IMPG2: variants seen among roughly 807,000 people sequenced by gnomAD.
IMPG2 encodes IPM 200.
Under a neutral mutation model 129.2 loss-of-function variants are expected in IMPG2, and 91 were observed. That is an observed-to-expected ratio of 0.70 (90% CI 0.59 to 0.84). The LOEUF is 0.84. Among genes scored for constraint, IMPG2 ranks in the 40% least tolerant of loss-of-function variants. The probability of loss-of-function intolerance (pLI) is 0.00; values close to 1 mark genes in which losing one functional copy is unlikely to be tolerated. For missense variants in IMPG2, 1,430 were observed against 1,461.7 expected, an observed-to-expected ratio of 0.98 and a Z score of 0.35; for synonymous variants, 510 against 517.7, an observed-to-expected ratio of 0.99 and a Z score of 0.20.
rs2058802769 is a variant in IMPG2 at position 101,319,821 on chromosome 3, A to G, written c.97T>C (p.Leu33=). The change falls in exon 2 of 19, where the codon TTA becomes CTA. Residue 33 remains leucine (L), a synonymous_variant. Coordinates refer to ENST00000193391, the MANE Select transcript of IMPG2 (RefSeq NM_016247.4). ...DFPSLTAQTY[L]SIEEIQEPKS... ...GGTTCTTGGATCTCCTCTATAGATA[A>G]GTAGGTTTGTGCTACAGAGTGAAAG... 6.2e-7 allele frequency: 1 copy of G among 1,612,042 alleles called. No homozygotes were observed. Among genetic ancestry groups the G allele is most frequent in the Non-Finnish European group, 8.5e-7 (1 of 1,179,554 alleles).
chr3:101,257,622 A>C lies in IMPG2; in HGVS notation c.1060T>G (p.Phe354Val). Residue 354 changes from phenylalanine (F) to valine (V), a missense_variant, in exon 10 of 19, where the codon TTC becomes GTC. Transcript: ENST00000193391. ...AATGTCTCAGCAATATAATCTCTGA[A>C]GTTACTGATTGTATAAACAACAGTG... Reference protein sequence around the residue: ...KPTVVYTISNFRDYIAETLQQ... With the variant: ...KPTVVYTISNVRDYIAETLQQ... 6.2e-7 allele frequency: 1 copy of C among 1,613,460 alleles called. No homozygotes were observed. The highest frequency in any genetic ancestry group is 8.5e-7 in the Non-Finnish European group (1 of 1,179,586).
At chr3:101,284,877 T>C (rs904215073) in intron 4 of IMPG2, among the ~76,000 whole-genome samples, 2 of 152,074 alleles carry the variant, frequency 1.3e-5, no homozygotes, top group Non-Finnish European at 2.9e-5. Flanking sequence ...GAAACAAAAC[T>C]GTAAAAAAAA....
At position 101,233,001 on chromosome 3, in the gene IMPG2, TAAAC is replaced by T. The variant is rs781084443; in HGVS notation, c.3023-14_3023-11del. 5 of 1,612,856 alleles carry T rather than the reference TAAAC, an allele frequency of 3.1e-6. No individual in the cohort carries two copies. Among genetic ancestry groups the T allele is most frequent in the Admixed American group, 3.3e-5 (2 of 59,994 alleles). Reference sequence around the variant, plus strand: ...GGGTTGGCTTCATCACCTAAAACATTAAACAAAGAATAATGCAAGAAAAGGCAAA... The same window carrying T: ...GGGTTGGCTTCATCACCTAAAACATTAAAGAATAATGCAAGAAAAGGCAAA... On this transcript the variant is annotated splice_polypyrimidine_tract_variant and intron_variant, in intron 14 of 18. Coordinates refer to ENST00000193391, the MANE Select transcript of IMPG2 (RefSeq NM_016247.4).
intron 4 of IMPG2, among the ~76,000 whole-genome samples, chr3:101,289,536 A>C (rs1239645700): frequency 1.3e-5 from 2 of 152,178 alleles, no homozygotes; most frequent in Non-Finnish European, 1.5e-5. Flanking sequence ...CAGGCAACAA[A>C]TATGGAAATA....
In IMPG2 at chr3:101,260,927, C is replaced by T. The variant is rs372934489; in HGVS notation, c.909-3154G>A. Among the ~76,000 whole-genome samples, 8 of 152,200 alleles carry T rather than the reference C, an allele frequency of 5.3e-5. No homozygotes were observed. In the East Asian group the frequency reaches 7.7e-4, roughly 15 times the overall value. ...AAGAAACAAATGGTCAATTTTGTTC[C>T]CTAATGAAGGCAGATAAGACAATTG... On this transcript the variant is annotated intron_variant, in intron 9 of 18. Transcript: ENST00000193391.
At position 101,226,127 on chromosome 3, in the gene IMPG2, A is replaced by G. The variant is rs1286354239; in HGVS notation, c.*842T>C. 3 of 153,516 alleles carry G rather than the reference A, an allele frequency of 2.0e-5. No individual in the cohort carries two copies. The highest frequency in any genetic ancestry group is 7.3e-5 in the African/African-American group (3 of 40,934). The allele number at this position is 153,516 out of a possible 1,614,324, so 9.5% of individuals were successfully genotyped here. A position where few individuals can be genotyped will look rare whatever the true frequency, so the allele number is the denominator to read the frequency against. On this transcript the variant is annotated 3_prime_UTR_variant, in exon 19 of 19. Coordinates refer to ENST00000193391, the MANE Select transcript of IMPG2 (RefSeq NM_016247.4). ...AACCTCAGTCCAGCAATCAAGAAAC[A>G]AAATATATTCTCAGCACTGGGGTCT...
At chr3:101,305,630 A>G (rs1005374003) in intron 2 of IMPG2, among the ~76,000 whole-genome samples, 2 of 152,150 alleles carry the variant, frequency 1.3e-5, no homozygotes, top group Non-Finnish European at 2.9e-5. Flanking sequence ...TTTTCTGTAA[A>G]CCTAAAACTG....
At chr3:101,293,899 T>C (rs751528330) in intron 3 of IMPG2, among the ~76,000 whole-genome samples, 2 of 152,344 alleles carry the variant, frequency 1.3e-5, no homozygotes, top group South Asian at 2.1e-4. Flanking sequence ...TCAGCCTTCA[T>C]AGAATTGAAA....
chr3:101,318,087 G>A (rs578163517), intron 2 of IMPG2, among the ~76,000 whole-genome samples: 4 of 151,116 alleles, frequency 2.6e-5, no homozygotes, highest in Admixed American at 1.3e-4. Context: ...AGTGAGCCGA[G>A]ATCATGCCAC....
chr3:101,315,184 G>T (rs1379574817), intron 2 of IMPG2, among the ~76,000 whole-genome samples: 6 of 152,156 alleles, frequency 3.9e-5, no homozygotes, highest in African/African-American at 1.4e-4. Context: ...ATTGTAGAAA[G>T]AAACTAGAAG....
chr3:101,250,363 G>T (rs557983199), intron 11 of IMPG2, among the ~76,000 whole-genome samples: 110 of 152,272 alleles, frequency 7.2e-4, no homozygotes, highest in African/African-American at 2.4e-3. Context: ...CTCTTGTCTT[G>T]CTCATGTGCT....
At chr3:101,235,231 G>T (rs1174616699) in intron 14 of IMPG2, among the ~76,000 whole-genome samples, 1 of 152,240 alleles carries the variant, frequency 6.6e-6, no homozygotes, top group Non-Finnish European at 1.5e-5. Flanking sequence ...AGGAAAGTGT[G>T]AGAGTCTTTT....
chr3:101,286,639 G>A (rs533492649), intron 4 of IMPG2, among the ~76,000 whole-genome samples: 5 of 152,226 alleles, frequency 3.3e-5, no homozygotes, highest in South Asian at 2.1e-4. Context: ...TATATGCCTC[G>A]CATTACCAGT....
chr3:101,227,370 ATCT>A (rs1344402819), intron 18 of IMPG2, among the ~76,000 whole-genome samples: 2 of 152,144 alleles, frequency 1.3e-5, no homozygotes, highest in Non-Finnish European at 2.9e-5. Context: ...TCTAGTTCAA[ATCT>A]TCTTTGTTTC....
chr3:101,233,831 A>G (rs2107208926), intron 14 of IMPG2, among the ~76,000 whole-genome samples: 1 of 152,296 alleles, frequency 6.6e-6, no homozygotes, highest in Middle Eastern at 3.4e-3. Flanking sequence ...CCATAGACTC[A>G]TCTGTATTAA....
chr3:101,306,916 T>G (rs903565151), intron 2 of IMPG2, among the ~76,000 whole-genome samples: 1 of 152,192 alleles, frequency 6.6e-6, no homozygotes, highest in Non-Finnish European at 1.5e-5. Context: ...AAGTGTCTGA[T>G]TATCAAAAGA....
At chr3:101,237,020 G>C (rs1336155586) in intron 14 of IMPG2, among the ~76,000 whole-genome samples, 1 of 152,196 alleles carries the variant, frequency 6.6e-6, no homozygotes, top group African/African-American at 2.4e-5. Context: ...GGGCGCTCGA[G>C]CTTGGTGCAG....
intron 2 of IMPG2, among the ~76,000 whole-genome samples, chr3:101,306,425 C>T (rs369945105): frequency 2.0e-5 from 3 of 152,138 alleles, no homozygotes; most frequent in African/African-American, 7.2e-5. Context: ...TACCTGTATC[C>T]TTATTATTGT....
chr3:101,285,503 A>C (rs891497185), intron 4 of IMPG2, among the ~76,000 whole-genome samples: 2 of 152,202 alleles, frequency 1.3e-5, no homozygotes, highest in Non-Finnish European at 2.9e-5. Flanking sequence ...AGTTGTTGAT[A>C]AGAGAAACAC....
Sources: gnomAD v4.1 joint callset for allele counts (sites outside exome capture counted in the v4.1 genomes callset) on GRCh38, gnomAD v4.1.1 for gene constraint, MANE v1.5 for transcripts, NCBI Gene and HGNC (gene_info 2026-07-23, HGNC 2026-07-21) for gene names.